The following PSEN1 variants were observed in gnomAD, a reference collection of about 807,000 sequenced individuals.
PSEN1 encodes the protein presenilin-1.
PSEN1 carries 15 observed loss-of-function variants against 53.5 expected under a neutral mutation model. The observed-to-expected ratio is 0.28, with a 90% CI of 0.19 to 0.43. The LOEUF is 0.43. Ranked by LOEUF, PSEN1 falls within the 20% of genes least tolerant of loss-of-function variation. The pLI, the probability that PSEN1 is intolerant of heterozygous loss-of-function variation, is 1.00. For synonymous variants in PSEN1, 208 were observed against 209.8 expected (o/e 0.99, Z 0.08); for missense variants, 387 against 571.2 (o/e 0.68, Z 3.29).
chr14:73,185,099 G>A (rs1352406857), intron 5 of PSEN1, among the ~76,000 whole-genome samples: 1 of 150,486 alleles, frequency 6.6e-6, no homozygotes, highest in Non-Finnish European at 1.5e-5. Context: ...GCGGCCGGGC[G>A]GAGACGCTCC....
At chr14:73,216,978 A>C (rs1416897194) in intron 10 of PSEN1, 148 bp from the exon 11 acceptor site, 59 of 894,428 alleles carry the variant, frequency 6.6e-5, no homozygotes, top group Non-Finnish European at 9.7e-5. Context: ...CAAAAAAGAA[A>C]GAAAACACAG....
intron 8 of PSEN1, 35 bp downstream of exon 8, chr14:73,198,164 A>T (rs200659339): frequency 8.0e-6 from 10 of 1,251,512 alleles, no homozygotes; most frequent in Non-Finnish European, 1.2e-5. Flanking sequence ...ATTAGTAATC[A>T]GTGTAGAATT....
At chr14:73,143,256 C>T (rs1896976507) in intron 1 of PSEN1, among the ~76,000 whole-genome samples, 1 of 152,186 alleles carries the variant, frequency 6.6e-6, no homozygotes. Context: ...TTGCCTGCCT[C>T]TGCTTCCTAC....
chr14:73,137,892 ACGGCGAAACCC>A (rs1896791463), intron 1 of PSEN1, among the ~76,000 whole-genome samples: 1 of 151,992 alleles, frequency 6.6e-6, no homozygotes, highest in Non-Finnish European at 1.5e-5. Flanking sequence ...ACCAGACAAC[ACGGCGAAACCC>A]CGGCTCTACA....
At chr14:73,165,290 C>T (rs1423360782) in intron 3 of PSEN1, among the ~76,000 whole-genome samples, 1 of 152,014 alleles carries the variant, frequency 6.6e-6, no homozygotes, top group Non-Finnish European at 1.5e-5. Context: ...GAAATTAAAA[C>T]AGTATTTTTT....
chr14:73,198,892 G>C (rs1232058787), intron 8 of PSEN1, among the ~76,000 whole-genome samples: 1 of 152,110 alleles, frequency 6.6e-6, no homozygotes, highest in Non-Finnish European at 1.5e-5. Context: ...ACCCACCTCA[G>C]CCTCCCGAGT....
At chr14:73,210,644 T>G (rs1426757201) in intron 9 of PSEN1, among the ~76,000 whole-genome samples, 1 of 152,170 alleles carries the variant, frequency 6.6e-6, no homozygotes, top group Non-Finnish European at 1.5e-5. Flanking sequence ...ATTCTTATAT[T>G]ATTTCATAAA....
intron 5 of PSEN1, among the ~76,000 whole-genome samples, chr14:73,176,418 T>C (rs1042366886): frequency 1.2e-4 from 18 of 152,260 alleles, no homozygotes; most frequent in African/African-American, 4.3e-4. Context: ...TCAGATTTTA[T>C]TGGAGGGTGG....
chr14:73,151,860 C>T (rs61986877), intron 3 of PSEN1, among the ~76,000 whole-genome samples: 8,072 of 137,824 alleles, frequency 0.059, 322 homozygotes, highest in Non-Finnish European at 0.09. Flanking sequence ...TGAGCTACTG[C>T]GCCCAACCTA....
intron 4 of PSEN1, 95 bp from the exon 5 acceptor site, chr14:73,173,471 A>T: frequency 7.7e-7 from 1 of 1,291,198 alleles, no homozygotes. Context: ...ATACGAATTG[A>T]ATTAAGAAAA....
intron 5 of PSEN1, among the ~76,000 whole-genome samples, chr14:73,181,595 TA>T (rs563474000): frequency 6.6e-6 from 1 of 151,646 alleles, no homozygotes; most frequent in Non-Finnish European, 1.5e-5. Context: ...CCCAGTCTCT[TA>T]AAAAAAAATC....
At chr14:73,200,459 G>A (rs948366921) in intron 8 of PSEN1, among the ~76,000 whole-genome samples, 18 of 151,690 alleles carry the variant, frequency 1.2e-4, no homozygotes, top group African/African-American at 3.9e-4. Context: ...TAGTAGAGAC[G>A]GGATTTCACC....
chr14:73,191,076 G>A (rs962017543), intron 6 of PSEN1, among the ~76,000 whole-genome samples: 1 of 152,156 alleles, frequency 6.6e-6, no homozygotes, highest in African/African-American at 2.4e-5. Flanking sequence ...TTTGTTGTTA[G>A]ATGGTGGATT....
intron 8 of PSEN1, among the ~76,000 whole-genome samples, chr14:73,204,754 A>G (rs1899381308): frequency 6.6e-6 from 1 of 152,190 alleles, no homozygotes; most frequent in South Asian, 2.1e-4. Flanking sequence ...ATCCATAAAC[A>G]GGCTGGGTGC....
intron 1 of PSEN1, among the ~76,000 whole-genome samples, chr14:73,146,952 G>A (rs1897088867): frequency 6.6e-6 from 1 of 152,108 alleles, no homozygotes; most frequent in South Asian, 2.1e-4. Flanking sequence ...CCCCTAGGAG[G>A]GTGAACTCTG....
intron 5 of PSEN1, among the ~76,000 whole-genome samples, chr14:73,183,512 C>T (rs1050300581): frequency 6.6e-6 from 1 of 152,122 alleles, no homozygotes; most frequent in East Asian, 1.9e-4. Flanking sequence ...AACGAGCATG[C>T]TGCCTTCAAG....
intron 3 of PSEN1, among the ~76,000 whole-genome samples, chr14:73,149,157 G>A (rs1313963131): frequency 6.6e-6 from 1 of 151,974 alleles, no homozygotes; most frequent in African/African-American, 2.4e-5. Context: ...AGTGGTGGAA[G>A]TTACCAGGCA....
chr14:73,162,467 TGAGAAG>T (rs1298768662), intron 3 of PSEN1, among the ~76,000 whole-genome samples: 2 of 138,316 alleles, frequency 1.4e-5, no homozygotes, highest in African/African-American at 5.4e-5. Flanking sequence ...TCTCTCTCCA[TGAGAAG>T]GAGAGAGAGA....
chr14:73,212,781 G>C (rs560259805), intron 10 of PSEN1, among the ~76,000 whole-genome samples: 53 of 152,314 alleles, frequency 3.5e-4, no homozygotes, highest in African/African-American at 1.2e-3. Flanking sequence ...CCTTTGGTTA[G>C]GGCTCAGTCA....
Sources: gnomAD v4.1 joint callset for allele counts (sites outside exome capture counted in the v4.1 genomes callset) on GRCh38, gnomAD v4.1.1 for gene constraint, MANE v1.5 for transcripts, NCBI Gene and HGNC (gene_info 2026-07-23, HGNC 2026-07-21) for gene names.